NEK10: variants seen among roughly 807,000 people sequenced by gnomAD.
NEK10 encodes the protein NIMA related kinase 10, also known as serine/threonine-protein kinase Nek10.
In NEK10, 122 loss-of-function variants were observed where a neutral mutation model predicts 159.8. The ratio of observed to expected loss-of-function variants is 0.76; its 90% CI spans 0.66 to 0.89. The LOEUF is 0.89. NEK10 is among the 40% of genes least tolerant of loss of function. The probability of loss-of-function intolerance (pLI) is 0.00; values close to 1 mark genes in which losing one functional copy is unlikely to be tolerated. For synonymous variants in NEK10, 466 were observed against 457.1 expected (o/e 1.02, Z -0.25); for missense variants, 1,342 against 1,323.1 (o/e 1.01, Z -0.22).
intron 32 of NEK10, among the ~76,000 whole-genome samples, chr3:27,128,113 A>C (rs1942182537): frequency 6.6e-6 from 1 of 152,208 alleles, no homozygotes; most frequent in Admixed American, 6.5e-5. Flanking sequence ...TCCAGGCCAT[A>C]TGGTCTCTGT....
chr3:27,331,531 T>C (rs2149710791), intron 5 of NEK10, among the ~76,000 whole-genome samples: 1 of 152,330 alleles, frequency 6.6e-6, no homozygotes. Flanking sequence ...GAAGAGATTG[T>C]CCCTGCATCC....
chr3:27,211,300 T>C (rs535962496), intron 23 of NEK10, among the ~76,000 whole-genome samples: 1 of 152,310 alleles, frequency 6.6e-6, no homozygotes, highest in African/African-American at 2.4e-5. Flanking sequence ...AGTGGCATTA[T>C]TATTACATAG....
intron 11 of NEK10, among the ~76,000 whole-genome samples, chr3:27,306,773 T>A (rs1022301491): frequency 6.6e-6 from 1 of 152,212 alleles, no homozygotes; most frequent in Non-Finnish European, 1.5e-5. Flanking sequence ...TAGAAAACAC[T>A]GATCAAAGTT....
intron 28 of NEK10, 121 bp from the exon 29 acceptor site, chr3:27,171,994 C>T: frequency 2.8e-6 from 3 of 1,066,760 alleles, no homozygotes; most frequent in Non-Finnish European, 4.0e-6. Flanking sequence ...AAAGGGAACT[C>T]ATACACTGTT....
chr3:27,162,563 G>A (rs773747733), intron 30 of NEK10, 138 bp downstream of exon 30: 11 of 1,614,106 alleles, frequency 6.8e-6, no homozygotes, highest in Non-Finnish European at 9.3e-6. Flanking sequence ...CTGAGCATGT[G>A]GGGTGGCACT....
chr3:27,149,062 A>G (rs1944581953), intron 30 of NEK10, among the ~76,000 whole-genome samples: 1 of 151,696 alleles, frequency 6.6e-6, no homozygotes, highest in African/African-American at 2.4e-5. Context: ...TCTTATCTCA[A>G]TCTGAAATCT....
intron 24 of NEK10, 80 bp from the exon 25 acceptor site, chr3:27,201,660 G>T: frequency 1.0e-6 from 1 of 967,066 alleles, no homozygotes; most frequent in East Asian, 2.4e-5. Context: ...ACCATAACCT[G>T]AGAGTTACTA....
intron 9 of NEK10, 82 bp downstream of exon 9, chr3:27,310,867 T>A: frequency 1.2e-6 from 1 of 829,032 alleles, no homozygotes; most frequent in East Asian, 2.6e-5. Flanking sequence ...ACACATGACT[T>A]AACCGCAAAG....
At chr3:27,319,285 C>T (rs1192185026) in intron 6 of NEK10, among the ~76,000 whole-genome samples, 3 of 152,166 alleles carry the variant, frequency 2.0e-5, no homozygotes, top group Non-Finnish European at 4.4e-5. Context: ...TACGTGTCTT[C>T]GTTTAATTCT....
chr3:27,174,804 G>A lies in NEK10; in HGVS notation c.2535C>T (p.Ser845=). ...TCAGGCTGGCTGCTCCACTGCTGCT[G>A]CTACTCAAACTTGCCTTCTCAAAGG... ...HETFEKASLS[S]SSSGAASLKS... The change falls in exon 27 of 36, where the codon AGC becomes AGT. Residue 845 remains serine (S), a synonymous_variant. Transcript: ENST00000691995. 4 of 1,602,824 alleles carry A rather than the reference G, an allele frequency of 2.5e-6. No homozygotes were observed. The highest frequency in any genetic ancestry group is 2.2e-5 in the East Asian group (1 of 44,678).
chr3:27,211,001 T>A (rs1950959823), intron 23 of NEK10, among the ~76,000 whole-genome samples: 1 of 152,200 alleles, frequency 6.6e-6, no homozygotes, highest in East Asian at 1.9e-4. Flanking sequence ...ATACATAAAT[T>A]TCATAACAGT....
intron 23 of NEK10, chr3:27,252,220 G>A: frequency 2.0e-6 from 1 of 504,778 alleles, no homozygotes; most frequent in South Asian, 1.5e-5. Context: ...GTCAGGTAGA[G>A]GCAAGACTAT....
chr3:27,162,377 C>T (rs1373957427), intron 30 of NEK10: 2 of 1,548,592 alleles, frequency 1.3e-6, no homozygotes, highest in Non-Finnish European at 1.7e-6. Flanking sequence ...ACCACCCAAG[C>T]ATCGTTCAGA....
At chr3:27,185,005 C>T (rs1281500754) in intron 26 of NEK10, among the ~76,000 whole-genome samples, 4 of 152,026 alleles carry the variant, frequency 2.6e-5, no homozygotes, top group Non-Finnish European at 5.9e-5. Context: ...CTGTTCAATT[C>T]TTATATGCTC....
intron 5 of NEK10, among the ~76,000 whole-genome samples, chr3:27,328,093 C>T (rs2046139554): frequency 6.6e-6 from 1 of 152,102 alleles, no homozygotes; most frequent in East Asian, 1.9e-4. Flanking sequence ...AGAAACCCAT[C>T]AAATGGATCA....
At chr3:27,229,773 T>C (rs538955725) in intron 23 of NEK10, among the ~76,000 whole-genome samples, 1 of 152,020 alleles carries the variant, frequency 6.6e-6, no homozygotes, top group South Asian at 2.1e-4. Context: ...AGAAAGAATT[T>C]CAGAGCCCAA....
chr3:27,242,625 T>C (rs895287599), intron 23 of NEK10, among the ~76,000 whole-genome samples: 1 of 152,200 alleles, frequency 6.6e-6, no homozygotes, highest in Admixed American at 6.5e-5. Context: ...GATGCACCCA[T>C]GTCCACTGGC....
chr3:27,250,955 T>C (rs1273683998), intron 23 of NEK10, among the ~76,000 whole-genome samples: 1 of 152,218 alleles, frequency 6.6e-6, no homozygotes, highest in East Asian at 1.9e-4. Context: ...GAATATAATA[T>C]ATACATTTAA....
Position 27,226,613 on chromosome 3 carries a change from C to T in NEK10, c.2091-24056G>A, listed in dbSNP as rs141594744. ...TTGACTCCAAAGAGTAATTACAACT[C>T]ATAGTGAACAGAGGCAAATTCGTCT... On this transcript the variant is annotated intron_variant, in intron 23 of 35. Coordinates refer to ENST00000691995, the MANE Select transcript of NEK10 (RefSeq NM_001394966.1). 2.2e-3 allele frequency among the ~76,000 whole-genome samples: 333 copies of T among 152,260 alleles called. 1 individual carries two copies. Among genetic ancestry groups the T allele is most frequent in the African/African-American group, 5.5e-3 (228 of 41,538 alleles).
Sources: gnomAD v4.1 joint callset for allele counts (sites outside exome capture counted in the v4.1 genomes callset) on GRCh38, gnomAD v4.1.1 for gene constraint, MANE v1.5 for transcripts, NCBI Gene and HGNC (gene_info 2026-07-23, HGNC 2026-07-21) for gene names.